The following SLC35F4 variants were observed in gnomAD, a reference collection of about 807,000 sequenced individuals.
The protein encoded by SLC35F4 is solute carrier family 35 member F4, also known as chromosome 14 open reading frame 36.
A neutral mutation model predicts 44.2 loss-of-function variants in SLC35F4; 24 were observed. That is an observed-to-expected ratio of 0.54 (90% CI 0.39 to 0.76). SLC35F4 has a LOEUF of 0.76. SLC35F4 is among the 30% of genes least tolerant of loss of function. SLC35F4 has a pLI of 0.00. For synonymous variants in SLC35F4, 238 were observed against 223.6 expected (o/e 1.06, Z -0.57); for missense variants, 562 against 586.1 (o/e 0.96, Z 0.42).
Position 57,817,079 on chromosome 14 carries a change from T to A in SLC35F4, c.103+48644A>T, listed in dbSNP as rs377635085. Among the ~76,000 whole-genome samples, 188 of 152,246 alleles carry A rather than the reference T, an allele frequency of 1.2e-3. 2 individuals are homozygous for A. The South Asian group carries it at 0.035, about 28-fold the overall frequency. ...GAACTAGTGACTCACCAGTGACCAGTATCACTATCAAAAGGCTCACCTCTA... is the reference window on the plus strand; with the variant it reads ...GAACTAGTGACTCACCAGTGACCAGAATCACTATCAAAAGGCTCACCTCTA... On this transcript the variant is annotated intron_variant, in intron 1 of 7. Coordinates refer to ENST00000556826, the MANE Select transcript of SLC35F4 (RefSeq NM_001306087.2).
intron 1 of SLC35F4, among the ~76,000 whole-genome samples, chr14:57,800,335 G>C (rs1379790833): frequency 6.6e-6 from 1 of 152,162 alleles, no homozygotes; most frequent in Admixed American, 6.5e-5. Flanking sequence ...CAACAAAAAT[G>C]ACCCCACAGA....
chr14:57,891,674 G>A (rs189843765), intron 1 of SLC35F4, among the ~76,000 whole-genome samples: 16 of 152,150 alleles, frequency 1.1e-4, no homozygotes, highest in African/African-American at 2.2e-4. Context: ...TCAGGAGATC[G>A]AGAGCATCCT....
At chr14:57,774,598 AC>A (rs1210897526) in intron 1 of SLC35F4, among the ~76,000 whole-genome samples, 3 of 152,112 alleles carry the variant, frequency 2.0e-5, no homozygotes, top group East Asian at 3.9e-4. Context: ...CAATCTGAGA[AC>A]CCCATAGTCT....
At chr14:57,921,468 A>G (rs747050093) in intron 1 of SLC35F4, among the ~76,000 whole-genome samples, 1 of 152,224 alleles carries the variant, frequency 6.6e-6, no homozygotes, top group Non-Finnish European at 1.5e-5. Context: ...CTGGAGTGAT[A>G]ATAGTACCTA....
chr14:57,660,559 C>T (rs1269932517), intron 1 of SLC35F4, among the ~76,000 whole-genome samples: 1 of 149,550 alleles, frequency 6.7e-6, no homozygotes, highest in Non-Finnish European at 1.5e-5. Flanking sequence ...AACACCAGGA[C>T]ACAGAGGAGG....
rs571616181 is a variant in SLC35F4, at chr14:57,596,981, A to C, written c.104-2857T>G. On this transcript the variant is annotated intron_variant, in intron 1 of 7. Transcript: ENST00000556826. ...TGGAGACGTATTCAGGGGTTGGGCC[A>C]TGATACAATTATCTCCAATCCTGGA... The C allele has an allele frequency of 3.3e-5, 30 of 910,744 alleles. No homozygotes were observed. The South Asian group carries it at 4.5e-4, about 14-fold the overall frequency. 56.4% of individuals were successfully genotyped at this position (910,744 alleles called of 1,614,324 possible).
intron 1 of SLC35F4, among the ~76,000 whole-genome samples, chr14:57,729,138 T>C (rs1017439179): frequency 3.9e-5 from 6 of 152,176 alleles, no homozygotes; most frequent in African/African-American, 1.4e-4. Flanking sequence ...GGTAGTCTTC[T>C]ATGGGCTAAA....
intron 1 of SLC35F4, among the ~76,000 whole-genome samples, chr14:57,944,915 C>T: frequency 6.6e-6 from 1 of 152,158 alleles, no homozygotes; most frequent in Non-Finnish European, 1.5e-5. Context: ...GCTGTACAAC[C>T]TTACACACAC....
intron 1 of SLC35F4, among the ~76,000 whole-genome samples, chr14:57,705,166 T>A (rs1270083799): frequency 3.3e-5 from 5 of 152,142 alleles, no homozygotes; most frequent in Non-Finnish European, 7.3e-5. Context: ...AGAGGACTAA[T>A]AAATGCTAGC....
intron 1 of SLC35F4, among the ~76,000 whole-genome samples, chr14:57,969,429 TA>T (rs1880984909): frequency 6.6e-6 from 1 of 152,198 alleles, no homozygotes; most frequent in South Asian, 2.1e-4. Context: ...TATTGCAAAA[TA>T]AAATATATTT....
At chr14:57,946,725 C>T (rs1340618362) in intron 1 of SLC35F4, among the ~76,000 whole-genome samples, 1 of 152,076 alleles carries the variant, frequency 6.6e-6, no homozygotes, top group Non-Finnish European at 1.5e-5. Flanking sequence ...ATCTACCTGC[C>T]TTGGCCTCTC....
intron 1 of SLC35F4, among the ~76,000 whole-genome samples, chr14:57,716,486 G>A (rs1251991209): frequency 6.6e-6 from 1 of 152,046 alleles, no homozygotes; most frequent in Non-Finnish European, 1.5e-5. Flanking sequence ...GATAGAGATG[G>A]TATAATAAAG....
intron 1 of SLC35F4, among the ~76,000 whole-genome samples, chr14:57,667,404 T>G (rs2074349513): frequency 6.6e-6 from 1 of 151,902 alleles, no homozygotes; most frequent in South Asian, 2.1e-4. Context: ...TACATATGTA[T>G]ACATGTGCCA....
chr14:57,644,461 G>T lies in SLC35F4; in HGVS notation c.104-50337C>A, dbSNP rs1230496139. Among the ~76,000 whole-genome samples, 71 of 148,604 alleles carry T rather than the reference G, an allele frequency of 4.8e-4. 1 individual carries two copies. The South Asian group carries it at 6.1e-3, about 13-fold the overall frequency. On this transcript the variant is annotated intron_variant, in intron 1 of 7. Coordinates refer to ENST00000556826, the MANE Select transcript of SLC35F4 (RefSeq NM_001306087.2). Reference sequence around the variant, plus strand: ...ATATCCTTTGCCCACTTTTTGATGGGTTTTTTTTTTCCTTGTAAATTTGTT... The same window carrying T: ...ATATCCTTTGCCCACTTTTTGATGGTTTTTTTTTTTCCTTGTAAATTTGTT...
At chr14:57,802,065 A>T (rs910227220) in intron 1 of SLC35F4, among the ~76,000 whole-genome samples, 33 of 152,228 alleles carry the variant, frequency 2.2e-4, no homozygotes, top group African/African-American at 7.7e-4. Context: ...TTTAAAATTA[A>T]TCACATAATT....
chr14:57,614,870 GA>G (rs1328018176), intron 1 of SLC35F4, among the ~76,000 whole-genome samples: 1 of 152,202 alleles, frequency 6.6e-6, no homozygotes, highest in Non-Finnish European at 1.5e-5. Context: ...AACATGTAGG[GA>G]GAAAGCTGTG....
chr14:57,659,531 T>A (rs536929526), intron 1 of SLC35F4, among the ~76,000 whole-genome samples: 17 of 152,244 alleles, frequency 1.1e-4, no homozygotes, highest in Non-Finnish European at 7.4e-5. Flanking sequence ...AGAGGAATAG[T>A]TACTATTAGC....
chr14:57,705,545 C>T (rs545005746), intron 1 of SLC35F4, among the ~76,000 whole-genome samples: 1 of 152,266 alleles, frequency 6.6e-6, no homozygotes, highest in South Asian at 2.1e-4. Flanking sequence ...CAAATGGAGG[C>T]ACCAGCATGA....
chr14:57,794,000 TAGAAGAATGC>T (rs988758613), intron 1 of SLC35F4, among the ~76,000 whole-genome samples: 52 of 152,218 alleles, frequency 3.4e-4, no homozygotes, highest in African/African-American at 1.2e-3. Flanking sequence ...GGGAAAATTG[TAGAAGAATGC>T]AGAAGAATAA....
Sources: allele counts gnomAD v4.1 joint callset (sites outside exome capture counted in the v4.1 genomes callset), GRCh38; gene constraint gnomAD v4.1.1; transcripts MANE v1.5; gene names NCBI Gene and HGNC (gene_info 2026-07-23, HGNC 2026-07-21).